Variants in VAMP3 observed in about 807,000 individuals in gnomAD.
VAMP3 encodes the protein vesicle-associated membrane protein 3.
In VAMP3, 11 loss-of-function variants were observed where a neutral mutation model predicts 18.1. The observed-to-expected ratio is 0.61, with a 90% CI of 0.38 to 1.00. The LOEUF is 1.00. Ranked by LOEUF, VAMP3 falls within the 50% of genes least tolerant of loss-of-function variation. The probability of loss-of-function intolerance (pLI) is 0.01; values close to 1 mark genes in which losing one functional copy is unlikely to be tolerated. For missense variants in VAMP3, 122 were observed against 127.3 expected (o/e 0.96, Z 0.20); for synonymous variants, 49 against 43.1 (o/e 1.14, Z -0.53).
chr1:7,771,320 G>C lies in VAMP3; in HGVS notation c.-64G>C. 6.3e-7 allele frequency: 1 copy of C among 1,583,230 alleles called. No individual in the cohort carries two copies. The highest frequency in any genetic ancestry group is 8.6e-7 in the Non-Finnish European group (1 of 1,167,252). ...CGTCCCACCCATCTCCCTGGCCTCC[G>C]GTCCCAACTTCGCTTCTCTGCTGAC... On this transcript the variant is annotated 5_prime_UTR_variant, in exon 1 of 5. Transcript: ENST00000054666.
rs373852343 is a variant in VAMP3 at position 7,778,170 on chromosome 1, G to T, written c.283+1G>T. The T allele has an allele frequency of 9.9e-6, 16 of 1,613,882 alleles. No homozygotes were observed. The highest frequency in any genetic ancestry group is 1.3e-5 in the African/African-American group (1 of 74,892). On this transcript the variant is annotated splice_donor_variant, in intron 4 of 4. Transcript: ENST00000054666. LOFTEE classifies it high-confidence loss of function. ...GTTATCTTCATCATCATCATCATCG[G>T]TGAGTTACCCTTTTCTAAACTGATT...
chr1:7,773,255 A>G (rs895092285), intron 1 of VAMP3, 187 bp from the exon 2 acceptor site: 1 of 584,614 alleles, frequency 1.7e-6, no homozygotes, highest in African/African-American at 1.9e-5. Flanking sequence ...AGTCTTGGAA[A>G]TTATAGAGAA....
chr1:7,779,869 G>T lies in VAMP3; in HGVS notation c.*224G>T. On this transcript the variant is annotated 3_prime_UTR_variant, in exon 5 of 5. Transcript: ENST00000054666. ...ACAGTGCCTTTACAGATTTACGTAT[G>T]GGCTGATGAAGAGGCCTTCTTAAGT... 1 of 565,158 alleles carries T rather than the reference G, an allele frequency of 1.8e-6. No individual in the cohort carries two copies. The highest frequency in any genetic ancestry group is 3.3e-5 in the Admixed American group (1 of 30,342). The allele number at this position is 565,158 out of a possible 1,614,324, so 35.0% of individuals were successfully genotyped here.
At chr1:7,775,338 AT>A (rs899012008) in intron 2 of VAMP3, among the ~76,000 whole-genome samples, 18 of 150,114 alleles carry the variant, frequency 1.2e-4, no homozygotes, top group African/African-American at 3.9e-4. Context: ...CATTTTTTTT[AT>A]TTTTTTTATT....
intron 2 of VAMP3, 178 bp from the exon 3 acceptor site, chr1:7,776,982 T>C (rs553687787): frequency 1.6e-5 from 8 of 509,544 alleles, no homozygotes; most frequent in African/African-American, 1.6e-4. Context: ...GATTTTCTTA[T>C]GTTTTTAGTA....
intron 1 of VAMP3, among the ~76,000 whole-genome samples, chr1:7,772,442 C>A (rs2097051601): frequency 6.6e-6 from 1 of 152,152 alleles, no homozygotes; most frequent in Non-Finnish European, 1.5e-5. Flanking sequence ...GACCCAGGAA[C>A]CTGTGATCTA....
In VAMP3 at chr1:7,777,801, G is replaced by A. The variant is rs113117321; in HGVS notation, c.232-317G>A. On this transcript the variant is annotated intron_variant, in intron 3 of 4. Transcript: ENST00000054666. ...CTGCAATCAGATCCAGATGTATCCT[G>A]TCCTCTGCCTTGTTTACAAGTGACA... Among the ~76,000 whole-genome samples the A allele has an allele frequency of 4.1e-3, 625 of 152,288 alleles. 2 individuals carry two copies. Among genetic ancestry groups the A allele is most frequent in the Non-Finnish European group, 6.3e-3 (427 of 68,030 alleles).
intron 3 of VAMP3, 90 bp downstream of exon 3, chr1:7,777,408 CTG>C (rs986719861): frequency 1.4e-6 from 2 of 1,471,114 alleles, no homozygotes; most frequent in Non-Finnish European, 1.8e-6. Context: ...TTTCACGACT[CTG>C]GGAGGTGGGT....
Position 7,779,746 on chromosome 1 carries a change from T to A in VAMP3, c.*101T>A, listed in dbSNP as rs867874143. On this transcript the variant is annotated 3_prime_UTR_variant, in exon 5 of 5. Transcript: ENST00000054666. ...AGCTTACCTACTGTTATCTCTAAAA[T>A]TTTTTTTGTGTTAATGTAAAGTTGA... The A allele has an allele frequency of 1.2e-5, 18 of 1,493,000 alleles. No homozygotes were observed. Among genetic ancestry groups the A allele is most frequent in the Middle Eastern group, 1.8e-4 (1 of 5,692 alleles). 92.5% of individuals were successfully genotyped at this position (1,493,000 alleles called of 1,614,324 possible).
chr1:7,777,096 C>A, intron 2 of VAMP3, 64 bp from the exon 3 acceptor site: 1 of 1,538,252 alleles, frequency 6.5e-7, no homozygotes, highest in South Asian at 1.3e-5. Flanking sequence ...CAGGCGTGAG[C>A]CACCGCACCT....
intron 2 of VAMP3, among the ~76,000 whole-genome samples, chr1:7,774,766 A>G (rs2097053404): frequency 2.0e-5 from 3 of 152,258 alleles, no homozygotes; most frequent in Admixed American, 6.5e-5. Context: ...GTAATATTCC[A>G]TTGTATGTGT....
intron 4 of VAMP3, among the ~76,000 whole-genome samples, chr1:7,778,561 T>G (rs2097055538): frequency 6.6e-6 from 1 of 152,176 alleles, no homozygotes; most frequent in Admixed American, 6.5e-5. Flanking sequence ...GTTCATTTAT[T>G]CCAAGGTTTT....
intron 2 of VAMP3, among the ~76,000 whole-genome samples, chr1:7,775,433 C>T (rs1413467594): frequency 6.6e-6 from 1 of 152,020 alleles, no homozygotes; most frequent in Non-Finnish European, 1.5e-5. Context: ...CTGCAGCCTC[C>T]AAGCCCCAGG....
chr1:7,778,327 C>G (rs1259660020), intron 4 of VAMP3, among the ~76,000 whole-genome samples, 158 bp downstream of exon 4: 1 of 152,092 alleles, frequency 6.6e-6, no homozygotes, highest in Admixed American at 6.5e-5. Flanking sequence ...CTTTGGGAGG[C>G]CAGGAGTTTG....
At chr1:7,772,452 A>G (rs950343146) in intron 1 of VAMP3, among the ~76,000 whole-genome samples, 3 of 152,240 alleles carry the variant, frequency 2.0e-5, no homozygotes, top group Non-Finnish European at 2.9e-5. Flanking sequence ...CCTGTGATCT[A>G]TTCGAGGAGG....
chr1:7,778,005 CTG>C, intron 3 of VAMP3, 111 bp from the exon 4 acceptor site: 1 of 1,124,632 alleles, frequency 8.9e-7, no homozygotes, highest in Admixed American at 1.8e-5. Context: ...TTACTCCAGA[CTG>C]TATGCACCTG....
Position 7,771,320 on chromosome 1 carries a change from G to A in VAMP3, c.-64G>A. ...CGTCCCACCCATCTCCCTGGCCTCC[G>A]GTCCCAACTTCGCTTCTCTGCTGAC... is the stretch of plus-strand genomic sequence containing the variant. On this transcript the variant is annotated 5_prime_UTR_variant, in exon 1 of 5. Coordinates refer to ENST00000054666, the MANE Select transcript of VAMP3 (RefSeq NM_004781.4). 3.8e-6 allele frequency: 6 copies of A among 1,583,230 alleles called. No individual in the cohort carries two copies. The highest frequency in any genetic ancestry group is 2.3e-5 in the South Asian group (2 of 88,876).
intron 3 of VAMP3, among the ~76,000 whole-genome samples, chr1:7,777,905 C>T (rs2097055102): frequency 6.6e-6 from 1 of 152,176 alleles, no homozygotes; most frequent in African/African-American, 2.4e-5. Flanking sequence ...TAGCTAGAGG[C>T]CACACATCAT....
At position 7,778,110 on chromosome 1, in the gene VAMP3, T is replaced by C. The variant is rs929487125; in HGVS notation, c.232-8T>C. The C allele has an allele frequency of 3.1e-6, 5 of 1,613,938 alleles. No homozygotes were observed. In the Middle Eastern group the frequency reaches 4.9e-4, roughly 160 times the overall value. On this transcript the variant is annotated splice_polypyrimidine_tract_variant and splice_region_variant and intron_variant, in intron 3 of 4. Coordinates refer to ENST00000054666, the MANE Select transcript of VAMP3 (RefSeq NM_004781.4). ...TGAAATGTGATATGGACATATGTTT[T>C]GTTACAGATGTGGGCAATCGGGATT...
Sources: gnomAD v4.1 joint callset for allele counts (sites outside exome capture counted in the v4.1 genomes callset) on GRCh38, gnomAD v4.1.1 for gene constraint, MANE v1.5 for transcripts, NCBI Gene and HGNC (gene_info 2026-07-23, HGNC 2026-07-21) for gene names.